Variants in FGL2 observed in about 807,000 individuals in gnomAD.
FGL2 encodes fibrinogen like 2.
Under a neutral mutation model 36.0 loss-of-function variants are expected in FGL2, and 21 were observed. The observed-to-expected ratio is 0.58, with a 90% CI of 0.41 to 0.84. The LOEUF is 0.84. Among genes scored for constraint, FGL2 ranks in the 40% least tolerant of loss-of-function variants. FGL2 has a pLI of 0.00. For synonymous variants in FGL2, 183 were observed against 190.7 expected (o/e 0.96, Z 0.33); for missense variants, 444 against 526.3 (o/e 0.84, Z 1.53).
At position 77,193,865 on chromosome 7, in the gene FGL2, A is replaced by G. The variant is rs537405552; in HGVS notation, c.*2414T>C. On this transcript the variant is annotated 3_prime_UTR_variant, in exon 2 of 2. Coordinates refer to ENST00000248598, the MANE Select transcript of FGL2 (RefSeq NM_006682.3). ...TCTAATGTTTGTAAACAGTCAATCCATATTTATGAATATTAGCATATATTG... is the reference window on the plus strand; with the variant it reads ...TCTAATGTTTGTAAACAGTCAATCCGTATTTATGAATATTAGCATATATTG... 11 of 152,706 alleles carry G rather than the reference A, an allele frequency of 7.2e-5. No homozygotes were observed. The highest frequency in any genetic ancestry group is 2.6e-4 in the African/African-American group (11 of 41,576). The allele number at this position is 152,706 out of a possible 1,614,324, so 9.5% of individuals were successfully genotyped here.
chr7:77,198,334 ATGCGG>A (rs1187028511), intron 1 of FGL2: 2 of 984,964 alleles, frequency 2.0e-6, no homozygotes, highest in Non-Finnish European at 2.4e-6. Flanking sequence ...AGAGGTCCAA[ATGCGG>A]AGATGGCTTT....
At position 77,199,504 on chromosome 7, in the gene FGL2, T is replaced by A; in HGVS notation, c.290A>T (p.Gln97Leu). The change falls in exon 1 of 2, where the codon CAA becomes CTA. Residue 97 changes from glutamine to leucine, a missense_variant. By Grantham distance (113) the Gln-to-Leu change is moderately radical. Transcript: ENST00000248598. ...GTCATCAGCCTGCAGCTTGCAGTCT[T>A]GGCAAGATTTCTTTAGACTATTTAC... Reference protein sequence around the residue: ...EIVNSLKKSCQDCKLQADDNG... With the variant: ...EIVNSLKKSCLDCKLQADDNG... 2 of 1,614,126 alleles carry A rather than the reference T, an allele frequency of 1.2e-6. No homozygotes were observed.
rs561711420 is a variant in FGL2, at chr7:77,195,639, T to A, written c.*640A>T. 4 of 152,242 alleles carry A rather than the reference T, an allele frequency of 2.6e-5. No individual in the cohort carries two copies. The highest frequency in any genetic ancestry group is 9.6e-5 in the African/African-American group (4 of 41,504). The allele number at this position is 152,242 out of a possible 1,614,324, so 9.4% of individuals were successfully genotyped here. A position where few individuals can be genotyped will look rare whatever the true frequency, so the allele number is the denominator to read the frequency against. The stretch of plus-strand genomic sequence containing the variant: ...CAAATACAGATTACTTTGTGTAGAA[T>A]CCAGCCTACTGAATAAATTTTATTA... On this transcript the variant is annotated 3_prime_UTR_variant, in exon 2 of 2. Transcript: ENST00000248598.
intron 1 of FGL2, 55 bp downstream of exon 1, chr7:77,199,124 ACT>A: frequency 7.0e-7 from 1 of 1,432,686 alleles, no homozygotes; most frequent in Non-Finnish European, 9.5e-7. Flanking sequence ...GTTTATAGAT[ACT>A]CTCTAGCTGT....
At position 77,196,835 on chromosome 7, in the gene FGL2, T is replaced by TTA; in HGVS notation, c.763_764insTA (p.Gln255LeufsTer39). ...GTTGGTGCTCCCATCGAGACGTGCC[T>TTA]GCAGCACTGTCCAGCCTCCCCCCAT... On this transcript the variant is annotated frameshift_variant, in exon 2 of 2. Coordinates refer to ENST00000248598, the MANE Select transcript of FGL2 (RefSeq NM_006682.3). LOFTEE classifies it high-confidence loss of function. This position sits in a 1 kb window ranked among gnomAD's most constrained non-coding sequence, Gnocchi z 4.2. 1 of 1,613,924 alleles carries TTA rather than the reference T, an allele frequency of 6.2e-7. No homozygotes were observed. The highest frequency in any genetic ancestry group is 8.5e-7 in the Non-Finnish European group (1 of 1,179,970).
At position 77,194,568 on chromosome 7, in the gene FGL2, C is replaced by G. The variant is rs1056311755; in HGVS notation, c.*1711G>C. Reference sequence around the variant, plus strand: ...TATCTTACTTTTTGACTAAATAGTTCTGTAAGGGCCTAATATTTGAAAAAT... The same window carrying G: ...TATCTTACTTTTTGACTAAATAGTTGTGTAAGGGCCTAATATTTGAAAAAT... On this transcript the variant is annotated 3_prime_UTR_variant, in exon 2 of 2. Coordinates refer to ENST00000248598, the MANE Select transcript of FGL2 (RefSeq NM_006682.3). 1 of 151,978 alleles carries G rather than the reference C, an allele frequency of 6.6e-6. No homozygotes were observed. Among genetic ancestry groups the G allele is most frequent in the African/African-American group, 2.4e-5 (1 of 41,404 alleles). The allele number at this position is 151,978 out of a possible 1,614,324, so 9.4% of individuals were successfully genotyped here. A position where few individuals can be genotyped will look rare whatever the true frequency, so the allele number is the denominator to read the frequency against.
In FGL2 at chr7:77,194,667, T is replaced by C. The variant is rs1791831848; in HGVS notation, c.*1612A>G. The C allele has an allele frequency of 1.3e-5, 2 of 152,108 alleles. No individual in the cohort carries two copies. The highest frequency in any genetic ancestry group is 2.9e-5 in the Non-Finnish European group (2 of 67,956). 9.4% of individuals were successfully genotyped at this position (152,108 alleles called of 1,614,324 possible). A position where few individuals can be genotyped will look rare whatever the true frequency, so the allele number is the denominator to read the frequency against. On this transcript the variant is annotated 3_prime_UTR_variant, in exon 2 of 2. Transcript: ENST00000248598. ...GGGTAAAGATGCATCTTTGTAAATA[T>C]ATTTTGAAAACTTGGTTAGTGTATT...
chr7:77,199,497 G>T lies in FGL2; in HGVS notation c.297C>A (p.Cys99Ter). The T allele has an allele frequency of 1.2e-6, 2 of 1,614,070 alleles. No individual in the cohort carries two copies. The highest frequency in any genetic ancestry group is 1.7e-6 in the Non-Finnish European group (2 of 1,180,000). The change falls in exon 1 of 2, where the codon TGC becomes TGA. Residue 99 changes from cysteine (C) to a stop codon, truncating the protein, a stop_gained. Coordinates refer to ENST00000248598, the MANE Select transcript of FGL2 (RefSeq NM_006682.3). LOFTEE classifies it high-confidence loss of function. ...CTCCGTTGTCATCAGCCTGCAGCTTGCAGTCTTGGCAAGATTTCTTTAGAC... is the reference window on the plus strand; with the variant it reads ...CTCCGTTGTCATCAGCCTGCAGCTTTCAGTCTTGGCAAGATTTCTTTAGAC... Reference protein sequence around the residue: ...VNSLKKSCQDCKLQADDNGDP... With the variant: ...VNSLKKSCQD
At chr7:77,197,123 G>A (rs568474070) in intron 1 of FGL2, 138 bp from the exon 2 acceptor site, 6 of 617,740 alleles carry the variant, frequency 9.7e-6, no homozygotes, top group Non-Finnish European at 1.7e-5. Context: ...ACTTGAACCT[G>A]TTTAGCAAAT....
intron 1 of FGL2, chr7:77,198,181 A>G (rs1791911685): frequency 2.0e-6 from 2 of 985,442 alleles, no homozygotes; most frequent in Non-Finnish European, 2.4e-6. Flanking sequence ...GGCTGCCAGG[A>G]GTATTACCAA....
chr7:77,196,010 T>C lies in FGL2; in HGVS notation c.*269A>G, dbSNP rs866620690. 18 of 368,498 alleles carry C rather than the reference T, an allele frequency of 4.9e-5. No individual in the cohort carries two copies. The highest frequency in any genetic ancestry group is 2.9e-4 in the African/African-American group (14 of 47,908). 22.8% of individuals were successfully genotyped at this position (368,498 alleles called of 1,614,324 possible). ...ATACAAGCAATAGAAAAAGTTTCAATAGAAATTAAAAGAATTGTAAATCTA... is the reference window on the plus strand; with the variant it reads ...ATACAAGCAATAGAAAAAGTTTCAACAGAAATTAAAAGAATTGTAAATCTA... On this transcript the variant is annotated 3_prime_UTR_variant, in exon 2 of 2. Coordinates refer to ENST00000248598, the MANE Select transcript of FGL2 (RefSeq NM_006682.3). This position sits in a 1 kb window ranked among gnomAD's most constrained non-coding sequence, Gnocchi z 4.2.
rs139238249 is a variant in FGL2, at chr7:77,196,242, T to C, written c.*37A>G. 3 of 1,457,116 alleles carry C rather than the reference T, an allele frequency of 2.1e-6. No individual in the cohort carries two copies. The African/African-American group carries it at 4.2e-5, about 20-fold the overall frequency. The allele number at this position is 1,457,116 out of a possible 1,614,324, so 90.3% of individuals were successfully genotyped here. On this transcript the variant is annotated 3_prime_UTR_variant, in exon 2 of 2. Coordinates refer to ENST00000248598, the MANE Select transcript of FGL2 (RefSeq NM_006682.3). The surrounding 1 kb of genome is among the most constrained non-coding windows in gnomAD (Gnocchi z 4.2). ...AGTGCTGAAGGAATTAATTGCCCTATTAGATAACGAATACCTGGAGGAATG... is the reference window on the plus strand; with the variant it reads ...AGTGCTGAAGGAATTAATTGCCCTACTAGATAACGAATACCTGGAGGAATG...
At chr7:77,197,667 C>G (rs996611027) in intron 1 of FGL2, among the ~76,000 whole-genome samples, 1 of 152,136 alleles carries the variant, frequency 6.6e-6, no homozygotes, top group Non-Finnish European at 1.5e-5. Context: ...TGTTAAAATC[C>G]TAATGCATAG....
At chr7:77,198,376 T>C in intron 1 of FGL2, 1 of 948,484 alleles carries the variant, frequency 1.1e-6, no homozygotes, top group Non-Finnish European at 1.3e-6. Context: ...TCAGCAACAG[T>C]GGTCCCAGTG....
rs1791867911 is a variant in FGL2, at chr7:77,196,296, T to C, written c.1303A>G (p.Lys435Glu). 1 of 1,613,388 alleles carries C rather than the reference T, an allele frequency of 6.2e-7. No homozygotes were observed. The highest frequency in any genetic ancestry group is 1.3e-5 in the African/African-American group (1 of 74,940). The change falls in exon 2 of 2, where the codon AAG becomes GAG. Residue 435 changes from lysine to glutamate, a missense_variant. By Grantham distance (56) the Lys-to-Glu change is moderately conservative. Coordinates refer to ENST00000248598, the MANE Select transcript of FGL2 (RefSeq NM_006682.3). This position sits in a 1 kb window ranked among gnomAD's most constrained non-coding sequence, Gnocchi z 4.2. ...AGAGTGATTTATGGCTTAAAGTGCT[T>C]GGGTCTGATCATCATCTTAGCCTCT... ...FKEAKMMIRPKHFKP is the reference protein window; with the variant it reads ...FKEAKMMIRPEHFKP
chr7:77,199,688 T>A lies in FGL2; in HGVS notation c.106A>T (p.Lys36Ter). 6.2e-7 allele frequency: 1 copy of A among 1,614,162 alleles called. No homozygotes were observed. The highest frequency in any genetic ancestry group is 8.5e-7 in the Non-Finnish European group (1 of 1,179,996). ...ETEEIKDERA[K>*]DVCPVRLESR... Reference sequence around the variant, plus strand: ...TCTAGTCTCACTGGGCAGACATCCTTTGCTCTTTCATCTTTAATTTCCTCT... The same window carrying A: ...TCTAGTCTCACTGGGCAGACATCCTATGCTCTTTCATCTTTAATTTCCTCT... Residue 36 changes from lysine (K) to a stop codon, truncating the protein, a stop_gained, in exon 1 of 2, where the codon AAG (lysine) becomes TAG (stop). Coordinates refer to ENST00000248598, the MANE Select transcript of FGL2 (RefSeq NM_006682.3). LOFTEE classifies it high-confidence loss of function.
Position 77,196,909 on chromosome 7 carries a change from T to G in FGL2, c.690A>C (p.Thr230=), listed in dbSNP as rs1466512673. 1.9e-6 allele frequency: 3 copies of G among 1,613,802 alleles called. No homozygotes were observed. The highest frequency in any genetic ancestry group is 2.5e-6 in the Non-Finnish European group (3 of 1,179,924). Residue 230 remains threonine, a synonymous_variant, in exon 2 of 2, where the codon ACA becomes ACC. Transcript: ENST00000248598. This position sits in a 1 kb window ranked among gnomAD's most constrained non-coding sequence, Gnocchi z 4.2. ...CAAAGCTACTATTTTTGGGATCAGG[T>G]GTAACTCTGTAGGTCTCACTGCTTC... ...GKRSSETYRV[T]PDPKNSSFEV...
rs1791829215 is a variant in FGL2 at position 77,194,516 on chromosome 7, A to AGC, written c.*1761_*1762dup. 6.6e-6 allele frequency: 1 copy of AGC among 152,030 alleles called. No homozygotes were observed. The highest frequency in any genetic ancestry group is 2.4e-5 in the African/African-American group (1 of 41,428). 9.4% of individuals were successfully genotyped at this position (152,030 alleles called of 1,614,324 possible). A position where few individuals can be genotyped will look rare whatever the true frequency, so the allele number is the denominator to read the frequency against. The stretch of plus-strand genomic sequence containing the variant: ...TTGTGATATATCATGTTTAACTGAA[A>AGC]GCTTTGGGTTATATATTTTAAAGGA... On this transcript the variant is annotated 3_prime_UTR_variant, in exon 2 of 2. Transcript: ENST00000248598.
chr7:77,198,199 C>A, intron 1 of FGL2: 1 of 985,402 alleles, frequency 1.0e-6, no homozygotes, highest in Non-Finnish European at 1.2e-6. Context: ...CAATAGAGGT[C>A]CTTGAAAATA....
Sources: gnomAD v4.1 joint callset for allele counts (sites outside exome capture counted in the v4.1 genomes callset) on GRCh38, gnomAD v4.1.1 for gene constraint, Gnocchi (gnomAD v3.1) non-coding constraint, MANE v1.5 for transcripts, NCBI Gene and HGNC (gene_info 2026-07-23, HGNC 2026-07-21) for gene names.